FAM228B: variants seen among roughly 807,000 people sequenced by gnomAD.
The protein encoded by FAM228B is family with sequence similarity 228 member B.
A neutral mutation model predicts 42.6 loss-of-function variants in FAM228B; 38 were observed. That is an observed-to-expected ratio of 0.89 (90% CI 0.69 to 1.17). The LOEUF (loss-of-function observed/expected upper bound fraction) is 1.17, where lower values mean the gene tolerates loss of function less well. Among genes scored for constraint, FAM228B ranks in the 50% most tolerant of loss-of-function variants. The pLI, the probability that FAM228B is intolerant of heterozygous loss-of-function variation, is 0.00. For synonymous variants in FAM228B, 109 were observed against 122.3 expected (o/e 0.89, Z 0.72); for missense variants, 344 against 367.3 (o/e 0.94, Z 0.52).
intron 3 of FAM228B, among the ~76,000 whole-genome samples, chr2:24,102,545 C>G (rs963309936): frequency 6.6e-6 from 1 of 152,152 alleles, no homozygotes; most frequent in African/African-American, 2.4e-5. Flanking sequence ...TAAGACCAGT[C>G]TGGCTAACAT....
chr2:24,125,230 A>G (rs1013734310), intron 2 of FAM228B, among the ~76,000 whole-genome samples: 1 of 152,118 alleles, frequency 6.6e-6, no homozygotes, highest in Admixed American at 6.5e-5. Flanking sequence ...ACGAACGAAC[A>G]ATAATAGCCA....
intron 3 of FAM228B, among the ~76,000 whole-genome samples, 199 bp downstream of exon 3, chr2:24,135,386 A>T (rs529271881): frequency 6.6e-6 from 1 of 152,344 alleles, no homozygotes; most frequent in South Asian, 2.1e-4. Context: ...CTTTGTGGGA[A>T]TTCCTTTGCA....
chr2:24,103,216 G>A (rs1440959529), intron 3 of FAM228B, among the ~76,000 whole-genome samples: 1 of 152,212 alleles, frequency 6.6e-6, no homozygotes, highest in Non-Finnish European at 1.5e-5. Flanking sequence ...AGGGCTGTGT[G>A]AGCGTGAGCC....
intron 3 of FAM228B, among the ~76,000 whole-genome samples, chr2:24,136,165 G>T (rs570100995): frequency 6.9e-6 from 1 of 145,626 alleles, no homozygotes; most frequent in Non-Finnish European, 1.5e-5. Context: ...GGGCTCAAGT[G>T]ATTCTCCTGC....
intron 3 of FAM228B, among the ~76,000 whole-genome samples, chr2:24,109,168 T>A (rs1405737429): frequency 4.3e-5 from 4 of 93,790 alleles, no homozygotes; most frequent in Admixed American, 1.1e-4. Context: ...AAAAGAGTAA[T>A]GGCAAAAAAA....
intron 7 of FAM228B, among the ~76,000 whole-genome samples, chr2:24,152,066 A>G (rs943538001): frequency 2.3e-4 from 35 of 151,904 alleles, no homozygotes; most frequent in African/African-American, 7.7e-4. Context: ...ACAGGGTTTC[A>G]CCATGTTGGC....
intron 2 of FAM228B, chr2:24,087,370 C>G (rs1239547131): frequency 1.3e-5 from 2 of 152,180 alleles, no homozygotes; most frequent in Non-Finnish European, 2.9e-5. Context: ...ATGAGCCACT[C>G]TGCCTGGCCA....
chr2:24,113,355 T>C (rs1211519673), intron 3 of FAM228B, among the ~76,000 whole-genome samples: 3 of 152,154 alleles, frequency 2.0e-5, no homozygotes, highest in African/African-American at 7.2e-5. Flanking sequence ...GAACGATTGC[T>C]TGAGCCCAGG....
intron 3 of FAM228B, among the ~76,000 whole-genome samples, chr2:24,116,095 G>A (rs1422835930): frequency 6.6e-6 from 1 of 152,018 alleles, no homozygotes; most frequent in Non-Finnish European, 1.5e-5. Context: ...TTGGGAGGCC[G>A]AGGTGGGTTG....
intron 1 of FAM228B, chr2:24,079,474 G>C: frequency 1.2e-6 from 2 of 1,614,128 alleles, no homozygotes; most frequent in Non-Finnish European, 1.7e-6. Context: ...GCAAACTGGT[G>C]ATCAGACTTC....
chr2:24,080,470 T>C lies in FAM228B; in HGVS notation c.-289-406T>C, dbSNP rs1664949679. Among the ~76,000 whole-genome samples the C allele has an allele frequency of 6.6e-6, 1 of 152,176 alleles. No individual in the cohort carries two copies. Among genetic ancestry groups the C allele is most frequent in the African/African-American group, 2.4e-5 (1 of 41,456 alleles). ...CATTTAGGGTGCTACCACCCAACCCTACCATGGCTGGCTCCAAACTGGTCT... is the reference window on the plus strand; with the variant it reads ...CATTTAGGGTGCTACCACCCAACCCCACCATGGCTGGCTCCAAACTGGTCT... On this transcript the variant is annotated intron_variant, in intron 1 of 10. Coordinates refer to the FAM228B transcript ENST00000613899. This position sits in a 1 kb window ranked among gnomAD's most constrained non-coding sequence, Gnocchi z 4.7.
At chr2:24,102,400 C>T (rs748754262) in intron 3 of FAM228B, among the ~76,000 whole-genome samples, 10 of 152,158 alleles carry the variant, frequency 6.6e-5, no homozygotes, top group Non-Finnish European at 1.2e-4. Flanking sequence ...TACATTTTTG[C>T]TAAATTTTTT....
In FAM228B at chr2:24,143,460, C is replaced by T. The variant is rs546739734; in HGVS notation, c.442-3288C>T. On this transcript the variant is annotated intron_variant, in intron 5 of 10. Transcript: ENST00000615575. ...CCGCCCGCCTTGGCCTCCCAAAATG[C>T]TGGGATTACAGGCATGAACCATCAT... Among the ~76,000 whole-genome samples the T allele has an allele frequency of 2.6e-5, 4 of 152,310 alleles. No individual in the cohort carries two copies. In the East Asian group the frequency reaches 7.7e-4, roughly 29 times the overall value.
At chr2:24,116,537 C>T (rs962867382) in intron 3 of FAM228B, among the ~76,000 whole-genome samples, 39 of 151,952 alleles carry the variant, frequency 2.6e-4, no homozygotes, top group Admixed American at 5.2e-4. Context: ...TAAGTCACAA[C>T]GTATGCTTAA....
chr2:24,091,997 C>T (rs1484716443), intron 2 of FAM228B, among the ~76,000 whole-genome samples: 1 of 151,588 alleles, frequency 6.6e-6, no homozygotes, highest in Non-Finnish European at 1.5e-5. Context: ...TTTGGGAGGC[C>T]GAGGTGGGCA....
chr2:24,081,404 TC>T (rs1351244471), intron 2 of FAM228B, among the ~76,000 whole-genome samples: 3 of 151,802 alleles, frequency 2.0e-5, no homozygotes, highest in Admixed American at 6.6e-5. Context: ...CAACTACCAT[TC>T]CCATGGTCAC....
intron 10 of FAM228B, 56 bp downstream of exon 10, chr2:24,167,739 G>T: frequency 6.5e-7 from 1 of 1,540,552 alleles, no homozygotes; most frequent in Non-Finnish European, 8.8e-7. Flanking sequence ...CCTGTTTCTT[G>T]CCACTGTGAT....
chr2:24,150,653 G>T (rs1331433867), intron 7 of FAM228B, among the ~76,000 whole-genome samples: 1 of 152,048 alleles, frequency 6.6e-6, no homozygotes, highest in Non-Finnish European at 1.5e-5. Flanking sequence ...TTGAACTCCT[G>T]ACCTCAAGTG....
intron 9 of FAM228B, among the ~76,000 whole-genome samples, chr2:24,166,779 GAGA>G (rs1667427012): frequency 2.6e-5 from 4 of 152,186 alleles, no homozygotes; most frequent in Non-Finnish European, 5.9e-5. Context: ...CTTCTCCTCT[GAGA>G]TGACGTTTGT....
Sources: gnomAD v4.1 joint callset for allele counts (sites outside exome capture counted in the v4.1 genomes callset) on GRCh38, gnomAD v4.1.1 for gene constraint, Gnocchi (gnomAD v3.1) non-coding constraint, MANE v1.5 for transcripts, NCBI Gene and HGNC (gene_info 2026-07-23, HGNC 2026-07-21) for gene names.